MYBPHL: variants seen among roughly 807,000 people sequenced by gnomAD.
MYBPHL encodes myosin-binding protein H-like.
In MYBPHL, 32 loss-of-function variants were observed where a neutral mutation model predicts 39.5. That is an observed-to-expected ratio of 0.81 (90% CI 0.61 to 1.09). The LOEUF is 1.09. Among genes scored for constraint, MYBPHL ranks in the 50% least tolerant of loss-of-function variants. The probability of loss-of-function intolerance (pLI) is 0.00; values close to 1 mark genes in which losing one functional copy is unlikely to be tolerated. For synonymous variants in MYBPHL, 196 were observed against 183.7 expected (o/e 1.07, Z -0.54); for missense variants, 456 against 460.2 (o/e 0.99, Z 0.08).
intron 1 of MYBPHL, 99 bp downstream of exon 1, chr1:109,306,748 G>C (rs1339705407): frequency 9.5e-7 from 1 of 1,048,498 alleles, no homozygotes; most frequent in Non-Finnish European, 1.3e-6. Context: ...AGAGTCTTTA[G>C]CTCTGCAGAA....
intron 5 of MYBPHL, 64 bp from the exon 6 acceptor site, chr1:109,296,434 C>A: frequency 2.6e-6 from 4 of 1,563,550 alleles, no homozygotes; most frequent in South Asian, 2.4e-5. Context: ...GACTCTTTAT[C>A]CTTAGTATTT....
intron 1 of MYBPHL, among the ~76,000 whole-genome samples, chr1:109,298,636 T>A (rs1489439880): frequency 6.6e-6 from 1 of 152,124 alleles, no homozygotes; most frequent in Non-Finnish European, 1.5e-5. Flanking sequence ...CTTTTCTACA[T>A]TTGTCCTTAA....
At chr1:109,306,807 C>G in intron 1 of MYBPHL, 40 bp downstream of exon 1, 41 of 1,520,276 alleles carry the variant, frequency 2.7e-5, no homozygotes, top group Non-Finnish European at 3.6e-5. Context: ...CCAACTCCCA[C>G]CACCCGGCCT....
chr1:109,295,751 C>T (rs1403736822), intron 6 of MYBPHL, among the ~76,000 whole-genome samples: 1 of 152,186 alleles, frequency 6.6e-6, no homozygotes, highest in African/African-American at 2.4e-5. Context: ...CTTGCCCAGA[C>T]TCAAAACCCA....
At chr1:109,296,682 G>GC (rs1290421216) in intron 5 of MYBPHL, 101 bp downstream of exon 5, 1 of 1,387,736 alleles carries the variant, frequency 7.2e-7, no homozygotes, top group Non-Finnish European at 1.0e-6. Flanking sequence ...CAGGTGATCC[G>GC]CCTGCCTTGG....
chr1:109,297,215 G>T, intron 3 of MYBPHL, 26 bp from the exon 4 acceptor site: 6 of 1,614,146 alleles, frequency 3.7e-6, no homozygotes, highest in Non-Finnish European at 5.1e-6. Context: ...CATGGCAGTG[G>T]GCGTGGAACA....
chr1:109,296,922 C>T lies in MYBPHL; in HGVS notation c.591G>A (p.Glu197=). ...CGATGCAGCTGGTGCGGTGATAGTG[C>T]TCCAGCACCGTGAACCACAGCTGCG... ...TKSGLWFTVL[E]HYHRTSCIVS... Residue 197 remains glutamate (E), a synonymous_variant, in exon 5 of 9, where the codon GAG becomes GAA. Coordinates refer to ENST00000357155, the MANE Select transcript of MYBPHL (RefSeq NM_001010985.3). 5.0e-6 allele frequency: 8 copies of T among 1,614,158 alleles called. No homozygotes were observed. Among genetic ancestry groups the T allele is most frequent in the Non-Finnish European group, 5.1e-6 (6 of 1,180,034 alleles).
chr1:109,295,110 C>A lies in MYBPHL; in HGVS notation c.1054+1G>T. 1 of 1,612,810 alleles carries A rather than the reference C, an allele frequency of 6.2e-7. No individual in the cohort carries two copies. Among genetic ancestry groups the A allele is most frequent in the Non-Finnish European group, 8.5e-7 (1 of 1,179,840 alleles). ...GGCACTAGTTCTCCTCTTGCCCTTA[C>A]CTTTCACATCCACCCGACAGTCCAC... On this transcript the variant is annotated splice_donor_variant, in intron 7 of 8. Transcript: ENST00000357155. LOFTEE classifies it high-confidence loss of function.
intron 2 of MYBPHL, among the ~76,000 whole-genome samples, 186 bp downstream of exon 2, chr1:109,297,983 A>G (rs1254134521): frequency 6.6e-6 from 1 of 152,244 alleles, no homozygotes; most frequent in Non-Finnish European, 1.5e-5. Context: ...GTGCACACCC[A>G]GTCCTATCCA....
In MYBPHL at chr1:109,297,094, C is replaced by G; in HGVS notation, c.526G>C (p.Ala176Pro). Residue 176 changes from alanine (A) to proline (P), a missense_variant, in exon 4 of 9, where the codon GCA becomes CCA. By Grantham distance (27) the Ala-to-Pro change is conservative. Transcript: ENST00000357155. ...TTCTGCACCGTGTATCCCAGAAGTG[C>G]TGTATTCCCCGTATCTTGGGGCGGT... ...WTPPQDTGNT[A>P]LLGYTVQKAD... 6.2e-7 allele frequency: 1 copy of G among 1,614,182 alleles called. No homozygotes were observed. The highest frequency in any genetic ancestry group is 8.5e-7 in the Non-Finnish European group (1 of 1,180,034).
chr1:109,300,700 C>A (rs1221178689), intron 1 of MYBPHL, among the ~76,000 whole-genome samples: 2 of 152,174 alleles, frequency 1.3e-5, no homozygotes, highest in Non-Finnish European at 2.9e-5. Flanking sequence ...GAGGAGCAGA[C>A]TGGCCCTTGG....
chr1:109,301,930 C>T (rs560510438), intron 1 of MYBPHL, among the ~76,000 whole-genome samples: 361 of 152,220 alleles, frequency 2.4e-3, no homozygotes, highest in Middle Eastern at 6.8e-3. Flanking sequence ...CAGAGGCTCC[C>T]TAGGGGCTGT....
intron 3 of MYBPHL, 25 bp from the exon 4 acceptor site, chr1:109,297,214 G>A (rs766944251): frequency 5.0e-6 from 8 of 1,614,020 alleles, no homozygotes; most frequent in Non-Finnish European, 6.8e-6. Flanking sequence ...CCATGGCAGT[G>A]GGCGTGGAAC....
At chr1:109,294,070 A>T (rs931044160) in intron 8 of MYBPHL, 136 bp downstream of exon 8, 13 of 631,090 alleles carry the variant, frequency 2.1e-5, no homozygotes, top group African/African-American at 1.1e-4. Flanking sequence ...TTTCAAAAAA[A>T]AAATGGTTAC....
In MYBPHL at chr1:109,297,596, T is replaced by G. The variant is rs774942604; in HGVS notation, c.256A>C (p.Ile86Leu). ...AAGGCACAGCCATCATGTGTCCAGA[T>G]GGCTTGAGGTTTGGGCTTGCCCTGA... Reference protein sequence around the residue: ...PFQGKPKPQAIWTHDGCALDT... With the variant: ...PFQGKPKPQALWTHDGCALDT... The change falls in exon 3 of 9, where the codon ATC (isoleucine) becomes CTC (leucine). Residue 86 changes from isoleucine to leucine, a missense_variant. By Grantham distance (5) the Ile-to-Leu change is conservative (BLOSUM62 2). Transcript: ENST00000357155. The G allele has an allele frequency of 1.1e-5, 18 of 1,613,442 alleles. No individual in the cohort carries two copies. The highest frequency in any genetic ancestry group is 1.4e-5 in the Non-Finnish European group (16 of 1,179,948).
chr1:109,293,186 C>T (rs890860795), intron 8 of MYBPHL, among the ~76,000 whole-genome samples: 1 of 152,158 alleles, frequency 6.6e-6, no homozygotes, highest in Non-Finnish European at 1.5e-5. Context: ...TTACACACCC[C>T]ACAGGCACAA....
At chr1:109,296,441 A>G in intron 5 of MYBPHL, 71 bp from the exon 6 acceptor site, 1 of 1,393,236 alleles carries the variant, frequency 7.2e-7, no homozygotes, top group Non-Finnish European at 9.6e-7. Context: ...TATCCTTAGT[A>G]TTTTTTTTTT....
chr1:109,296,351 C>T lies in MYBPHL; in HGVS notation c.750G>A (p.Lys250=), dbSNP rs1213747732. 6.2e-7 allele frequency: 1 copy of T among 1,614,048 alleles called. No individual in the cohort carries two copies. Among genetic ancestry groups the T allele is most frequent in the Non-Finnish European group, 8.5e-7 (1 of 1,180,036 alleles). ...CAGAGAAGTCTCGTTGGGCAAACCC[C>T]TTGGTCTTGTAAACAGTAGCTGAGG... ...IQKAATVYKT[K]GFAQRDFSEA... The change falls in exon 6 of 9, where the codon AAG becomes AAA. Residue 250 remains lysine, a synonymous_variant. Transcript: ENST00000357155.
At chr1:109,293,712 C>T (rs1010896000) in intron 8 of MYBPHL, among the ~76,000 whole-genome samples, 17 of 150,204 alleles carry the variant, frequency 1.1e-4, no homozygotes, top group African/African-American at 3.9e-4. Flanking sequence ...TGCACTCCGG[C>T]CTGGGCGACA....
Sources: gnomAD v4.1 joint callset for allele counts (sites outside exome capture counted in the v4.1 genomes callset) on GRCh38, gnomAD v4.1.1 for gene constraint, MANE v1.5 for transcripts, NCBI Gene and HGNC (gene_info 2026-07-23, HGNC 2026-07-21) for gene names.